RBM5: variants seen among roughly 807,000 people sequenced by gnomAD.
RBM5 encodes RNA binding motif protein 5, also known as RNA-binding protein 5.
A neutral mutation model predicts 124.6 loss-of-function variants in RBM5; 15 were observed. That is an observed-to-expected ratio of 0.12 (90% confidence interval 0.08 to 0.19). The LOEUF is 0.19. Ranked by LOEUF, RBM5 falls within the 10% of genes least tolerant of loss-of-function variation. The pLI, the probability that RBM5 is intolerant of heterozygous loss-of-function variation, is 1.00. For missense variants in RBM5, 580 were observed against 1,026.5 expected (o/e 0.57, Z 5.94); for synonymous variants, 337 against 361.2 (o/e 0.93, Z 0.76).
At chr3:50,112,414 TAAAAA>T (rs58011975) in intron 17 of RBM5, among the ~76,000 whole-genome samples, 2 of 88,226 alleles carry the variant, frequency 2.3e-5, no homozygotes, top group Non-Finnish European at 4.4e-5. Flanking sequence ...AGACTCTGTC[TAAAAA>T]AAAAAAAAAA....
In RBM5 at chr3:50,105,580, T is replaced by C. The variant is rs558589342; in HGVS notation, c.726T>C (p.Thr242=). The C allele has an allele frequency of 5.6e-6, 9 of 1,614,206 alleles. No homozygotes were observed. In the South Asian group the frequency reaches 7.7e-5, roughly 14 times the overall value. ...TTCTTCGGAACATAGCTCCGCACAC[T>C]GTGGTGGATTCCATCATGACAGCAC... ...TIILRNIAPH[T]VVDSIMTALS... Residue 242 remains threonine, a synonymous_variant, in exon 10 of 25, where the codon ACT becomes ACC. Transcript: ENST00000347869.
At chr3:50,106,129 T>TA (rs1461130813) in intron 10 of RBM5, among the ~76,000 whole-genome samples, 3 of 102,848 alleles carry the variant, frequency 2.9e-5, no homozygotes, top group African/African-American at 1.3e-4. Context: ...TTTTTTTTTT[T>TA]TTTTTTTTTT....
chr3:50,105,448 T>G, intron 9 of RBM5, 101 bp from the exon 10 acceptor site: 1 of 1,239,862 alleles, frequency 8.1e-7, no homozygotes, highest in Non-Finnish European at 1.1e-6. Context: ...ACACTAGGAA[T>G]GTCACAAATG....
At chr3:50,096,340 TA>T (rs2090814708) in intron 4 of RBM5, among the ~76,000 whole-genome samples, 1 of 138,282 alleles carries the variant, frequency 7.2e-6, no homozygotes, top group Non-Finnish European at 1.6e-5. Context: ...AAAAAAAAAA[TA>T]GCCAGTCTTA....
chr3:50,106,252 C>T lies in RBM5; in HGVS notation c.856-515C>T, dbSNP rs534373085. Among the ~76,000 whole-genome samples, 9 of 150,204 alleles carry T rather than the reference C, an allele frequency of 6.0e-5. No individual in the cohort carries two copies. The South Asian group carries it at 1.7e-3, about 28-fold the overall frequency. On this transcript the variant is annotated intron_variant, in intron 10 of 24. Transcript: ENST00000347869. ...CTCCCCAGGGTTCACGCCATTCTCC[C>T]GCCTCAGCCTCCTGAGTATCTGGGA...
intron 14 of RBM5, among the ~76,000 whole-genome samples, chr3:50,109,081 CT>C (rs545097885): frequency 4.0e-5 from 6 of 149,576 alleles, no homozygotes; most frequent in Admixed American, 6.7e-5. Flanking sequence ...CTTTTCTCTT[CT>C]TTTTTTTTTG....
At chr3:50,112,060 CT>C (rs78447913) in intron 17 of RBM5, 8,421 of 107,774 alleles carry the variant, frequency 0.078, 342 homozygotes, top group Non-Finnish European at 0.12. Context: ...CCTGTCAGTT[CT>C]TTTTTTTTTT....
chr3:50,095,420 A>C (rs951740980), intron 4 of RBM5, among the ~76,000 whole-genome samples: 1 of 152,136 alleles, frequency 6.6e-6, no homozygotes, highest in African/African-American at 2.4e-5. Flanking sequence ...TGAAAATTGA[A>C]CTACCCATTT....
At chr3:50,092,850 G>T (rs1454653784) in intron 3 of RBM5, 1 of 338,642 alleles carries the variant, frequency 3.0e-6, no homozygotes, top group African/African-American at 2.2e-5. Context: ...GGAGTTAGAG[G>T]CCAGCCTGGG....
intron 8 of RBM5, chr3:50,104,634 C>T: frequency 3.6e-6 from 1 of 279,022 alleles, no homozygotes; most frequent in Non-Finnish European, 6.8e-6. Flanking sequence ...CAAACAAGAC[C>T]CTGCCTCTCA....
At chr3:50,115,241 T>A (rs1270738891) in intron 20 of RBM5, 187 bp from the exon 21 acceptor site, 6 of 600,816 alleles carry the variant, frequency 1.0e-5, no homozygotes, top group Non-Finnish European at 1.7e-5. Flanking sequence ...CAGGAGGCTG[T>A]CAGGCCTAGC....
chr3:50,092,305 T>G, intron 3 of RBM5, 97 bp downstream of exon 3: 1 of 1,348,956 alleles, frequency 7.4e-7, no homozygotes, highest in Non-Finnish European at 1.0e-6. Flanking sequence ...CCCCTTCCCA[T>G]AATCCTATCA....
chr3:50,104,137 C>CT, intron 7 of RBM5, 111 bp from the exon 8 acceptor site: 1 of 849,868 alleles, frequency 1.2e-6, no homozygotes, highest in Non-Finnish European at 1.9e-6. Flanking sequence ...CTACGTGAGA[C>CT]TTTCTGCTTT....
chr3:50,100,023 G>T lies in RBM5; in HGVS notation c.381G>T (p.Ala127=), dbSNP rs762997053. Residue 127 remains alanine (A), a synonymous_variant, in exon 5 of 25, where the codon GCG becomes GCT. Coordinates refer to ENST00000347869, the MANE Select transcript of RBM5 (RefSeq NM_005778.4). This position sits in a 1 kb window ranked among gnomAD's most constrained non-coding sequence, Gnocchi z 5.1. The stretch of plus-strand genomic sequence containing the variant: ...AGTCCTTCGAAGGCCCTCAGCCTGC[G>T]GATGTGAGGCTGATGAAGAGGAAAA... The part of the protein sequence containing the change: ...MMESFEGPQP[A]DVRLMKRKTG... The T allele has an allele frequency of 1.5e-5, 24 of 1,613,984 alleles. No individual in the cohort carries two copies. The South Asian group carries it at 2.4e-4, about 16-fold the overall frequency.
At chr3:50,092,242 C>A in intron 3 of RBM5, 34 bp downstream of exon 3, 1 of 1,599,292 alleles carries the variant, frequency 6.3e-7, no homozygotes, top group Non-Finnish European at 8.5e-7. Flanking sequence ...CCCCCCAAAA[C>A]ACTCTGAGCC....
intron 4 of RBM5, among the ~76,000 whole-genome samples, chr3:50,096,186 G>A (rs936835718): frequency 1.3e-5 from 2 of 152,200 alleles, no homozygotes; most frequent in African/African-American, 2.4e-5. Flanking sequence ...TGGTGACAAT[G>A]CAGAATAGAA....
chr3:50,091,453 A>G (rs1221312645), intron 2 of RBM5, among the ~76,000 whole-genome samples: 2 of 152,184 alleles, frequency 1.3e-5, no homozygotes, highest in East Asian at 3.8e-4. Flanking sequence ...CCTTTAGCCA[A>G]AAATAAACCA....
At chr3:50,107,434 G>C in intron 11 of RBM5, 48 bp from the exon 12 acceptor site, 4 of 1,447,092 alleles carry the variant, frequency 2.8e-6, no homozygotes, top group East Asian at 2.3e-5. Flanking sequence ...GGCACTAATT[G>C]TGGGAATACT....
At chr3:50,112,240 TAA>T (rs778941760) in intron 17 of RBM5, 15 of 125,486 alleles carry the variant, frequency 1.2e-4, no homozygotes, top group East Asian at 2.2e-4. Flanking sequence ...CCGTCTCTAC[TAA>T]AAAAAAAAAA....
Sources: gnomAD v4.1 joint callset for allele counts (sites outside exome capture counted in the v4.1 genomes callset) on GRCh38, gnomAD v4.1.1 for gene constraint, Gnocchi (gnomAD v3.1) non-coding constraint, MANE v1.5 for transcripts, NCBI Gene and HGNC (gene_info 2026-07-23, HGNC 2026-07-21) for gene names.